PAK1: variants seen among roughly 807,000 people sequenced by gnomAD.
The protein encoded by PAK1 is serine/threonine-protein kinase PAK 1.
Under a neutral mutation model 67.4 loss-of-function variants are expected in PAK1, and 29 were observed. The observed-to-expected ratio is 0.43, with a 90% confidence interval of 0.32 to 0.59. The LOEUF is 0.59. Ranked by LOEUF, PAK1 falls within the 20% of genes least tolerant of loss-of-function variation. PAK1 has a pLI of 0.07. For synonymous variants in PAK1, 223 were observed against 237.4 expected, an observed-to-expected ratio of 0.94 and a Z score of 0.56; for missense variants, 337 against 670.7, an observed-to-expected ratio of 0.50 and a Z score of 5.50.
At chr11:77,498,679 C>A in the PAK1 span, among the ~76,000 whole-genome samples, 1 of 143,928 alleles carries the variant, frequency 6.9e-6, no homozygotes, top group African/African-American at 2.6e-5. Flanking sequence ...ATTTTTAACA[C>A]CCTTGCTTGT....
rs1441793857 is a variant in PAK1 at position 77,323,266 on chromosome 11, G to A, written c.*8C>T. On this transcript the variant is annotated 3_prime_UTR_variant, in exon 15 of 15. Coordinates refer to ENST00000356341, the MANE Select transcript of PAK1 (RefSeq NM_002576.5). ...GCTTGGCACAATGAGGCTGGGGTGAGTGTGGTTTTAGTGATTGTTCTTTGT... is the reference window on the plus strand; with the variant it reads ...GCTTGGCACAATGAGGCTGGGGTGAATGTGGTTTTAGTGATTGTTCTTTGT... 2 of 1,613,652 alleles carry A rather than the reference G, an allele frequency of 1.2e-6. No individual in the cohort carries two copies. The highest frequency in any genetic ancestry group is 2.2e-5 in the East Asian group (1 of 44,862).
intron 1 of PAK1, among the ~76,000 whole-genome samples, chr11:77,470,857 AAACG>A (rs1361026964): frequency 1.3e-5 from 2 of 152,220 alleles, no homozygotes; most frequent in Non-Finnish European, 2.9e-5. Flanking sequence ...TAAAACAAAC[AAACG>A]AACAAAAGAC....
At chr11:77,526,209 G>T in the PAK1 span, among the ~76,000 whole-genome samples, 1 of 152,134 alleles carries the variant, frequency 6.6e-6, no homozygotes, top group African/African-American at 2.4e-5. Context: ...TTTATTCTTT[G>T]ACACCTTTTC....
At chr11:77,516,057 T>A in the PAK1 span, among the ~76,000 whole-genome samples, 1 of 152,338 alleles carries the variant, frequency 6.6e-6, no homozygotes, top group East Asian at 1.9e-4. Context: ...CTGTGCCATT[T>A]GTTTTTAGCT....
intron 12 of PAK1, among the ~76,000 whole-genome samples, 174 bp downstream of exon 12, chr11:77,337,150 A>G (rs1300154879): frequency 1.3e-5 from 2 of 152,080 alleles, no homozygotes; most frequent in East Asian, 3.8e-4. Context: ...GAATGAAAAA[A>G]TAATGAAATG....
chr11:77,356,878 T>A (rs1565610440), intron 6 of PAK1, among the ~76,000 whole-genome samples: 1 of 152,168 alleles, frequency 6.6e-6, no homozygotes, highest in Non-Finnish European at 1.5e-5. Context: ...GGTTCAGAAG[T>A]GATCATAAAT....
At chr11:77,389,951 A>T (rs1458701589) in intron 2 of PAK1, among the ~76,000 whole-genome samples, 2 of 152,224 alleles carry the variant, frequency 1.3e-5, no homozygotes, top group African/African-American at 4.8e-5. Context: ...CTCTTTCACT[A>T]CATGTAGACA....
At position 77,468,790 on chromosome 11, in the gene PAK1, T is replaced by A. The variant is rs116027349; in HGVS notation, c.-22+4762A>T. ...GAGTTTAAAAGGCAATATGTTATAG[T>A]GGCAAAGTAAAGTACTACACTTAGA... On this transcript the variant is annotated intron_variant, in intron 1 of 14. Transcript: ENST00000356341. Among the ~76,000 whole-genome samples, 1,478 of 152,266 alleles carry A rather than the reference T, an allele frequency of 9.7e-3. 24 individuals carry two copies. The highest frequency in any genetic ancestry group is 0.034 in the African/African-American group (1,425 of 41,566).
intron 5 of PAK1, among the ~76,000 whole-genome samples, chr11:77,361,585 G>C (rs955733827): frequency 6.6e-6 from 1 of 151,964 alleles, no homozygotes; most frequent in Non-Finnish European, 1.5e-5. Flanking sequence ...TTTTTAAAGT[G>C]CTTTATTAAG....
intron 1 of PAK1, among the ~76,000 whole-genome samples, chr11:77,441,057 C>G (rs986598692): frequency 6.6e-6 from 1 of 152,214 alleles, no homozygotes; most frequent in African/African-American, 2.4e-5. Context: ...CCCCTCCTCT[C>G]CCAAGAGGCC....
At chr11:77,338,487 A>G (rs1436727979) in intron 11 of PAK1, among the ~76,000 whole-genome samples, 2 of 152,186 alleles carry the variant, frequency 1.3e-5, no homozygotes, top group Non-Finnish European at 2.9e-5. Flanking sequence ...ATCTTGAGAA[A>G]CTGGAACCCT....
At chr11:77,510,828 A>G in the PAK1 span, among the ~76,000 whole-genome samples, 1 of 152,210 alleles carries the variant, frequency 6.6e-6, no homozygotes, top group Admixed American at 6.5e-5. Flanking sequence ...TTATGAGAAT[A>G]CTAAGGAGGG....
intron 1 of PAK1, among the ~76,000 whole-genome samples, chr11:77,458,593 C>T (rs1051829916): frequency 1.1e-4 from 16 of 152,184 alleles, no homozygotes; most frequent in Non-Finnish European, 1.6e-4. Flanking sequence ...ACTTGCATTA[C>T]ATTGTTCAAT....
the PAK1 span, among the ~76,000 whole-genome samples, chr11:77,501,026 C>G: frequency 6.6e-6 from 1 of 151,986 alleles, no homozygotes; most frequent in African/African-American, 2.4e-5. Context: ...TGGCAGGCGC[C>G]TGTAGTCCCA....
In PAK1 at chr11:77,322,659, G is replaced by A. The variant is rs1938689528; in HGVS notation, c.*615C>T. ...AGAAACAGCATGGGAACACTATTGG[G>A]TCAAGGTCCTCCCGAACAGCTGCTA... On this transcript the variant is annotated 3_prime_UTR_variant, in exon 15 of 15. Transcript: ENST00000356341. 4.1e-6 allele frequency: 1 copy of A among 242,078 alleles called. No individual in the cohort carries two copies. The highest frequency in any genetic ancestry group is 2.2e-5 in the African/African-American group (1 of 44,502). The allele number at this position is 242,078 out of a possible 1,614,324, so 15.0% of individuals were successfully genotyped here. A position where few individuals can be genotyped will look rare whatever the true frequency, so the allele number is the denominator to read the frequency against.
At chr11:77,475,546 C>T (rs1958048386), upstream of PAK1, 2 of 152,168 alleles carry the variant, frequency 1.3e-5, no homozygotes, top group Admixed American at 1.3e-4. Context: ...TTATTTTTTG[C>T]TCCAAGCACA....
rs562944808 is a variant in PAK1, at chr11:77,345,341, A to AC, written c.886-1411_886-1410insG. On this transcript the variant is annotated intron_variant, in intron 9 of 14. Coordinates refer to ENST00000356341, the MANE Select transcript of PAK1 (RefSeq NM_002576.5). ...AGTACTTTGTTTTTAAATAAAAACA[A>AC]AAAAAAAATGGCAATGGGCTCCTCT... Among the ~76,000 whole-genome samples, 51 of 150,838 alleles carry AC rather than the reference A, an allele frequency of 3.4e-4. 1 individual carries two copies. In the East Asian group the frequency reaches 3.9e-3, roughly 12 times the overall value.
chr11:77,324,083 T>C (rs987411422), intron 14 of PAK1, among the ~76,000 whole-genome samples: 3 of 152,112 alleles, frequency 2.0e-5, no homozygotes, highest in Non-Finnish European at 2.9e-5. Flanking sequence ...CTTTGGGCCA[T>C]ACCTTCAACA....
At chr11:77,365,258 A>AT (rs1947357147) in intron 5 of PAK1, among the ~76,000 whole-genome samples, 1 of 91,586 alleles carries the variant, frequency 1.1e-5, no homozygotes, top group Admixed American at 1.0e-4. Context: ...TCTCAAAAAA[A>AT]AAAAAAAAAA....
Sources: gnomAD v4.1 joint callset for allele counts (sites outside exome capture counted in the v4.1 genomes callset) on GRCh38, gnomAD v4.1.1 for gene constraint, MANE v1.5 for transcripts, NCBI Gene and HGNC (gene_info 2026-07-23, HGNC 2026-07-21) for gene names.